The following IMMP2L variants were observed in gnomAD, a reference collection of about 807,000 sequenced individuals.
IMMP2L encodes mitochondrial inner membrane protease subunit 2.
IMMP2L carries 18 observed loss-of-function variants against 19.3 expected under a neutral mutation model. That is an observed-to-expected ratio of 0.93 (90% CI 0.64 to 1.38). The LOEUF is 1.38. Ranked by LOEUF, IMMP2L falls within the 40% of genes most tolerant of loss-of-function variation. IMMP2L has a pLI of 0.00. For synonymous variants in IMMP2L, 76 were observed against 73.0 expected (o/e 1.04, Z -0.21); for missense variants, 233 against 218.2 (o/e 1.07, Z -0.43).
At chr7:111,204,229 T>A (rs147167983) in intron 3 of IMMP2L, among the ~76,000 whole-genome samples, 1 of 152,308 alleles carries the variant, frequency 6.6e-6, no homozygotes, top group Non-Finnish European at 1.5e-5. Context: ...CAAGCCCACA[T>A]CGCTCACTGA....
intron 3 of IMMP2L, among the ~76,000 whole-genome samples, chr7:111,251,462 A>G (rs377080440): frequency 6.6e-6 from 1 of 152,200 alleles, no homozygotes; most frequent in East Asian, 1.9e-4. Flanking sequence ...CATATGTTCC[A>G]TGCAGCACTA....
intron 4 of IMMP2L, among the ~76,000 whole-genome samples, chr7:110,950,654 A>G (rs1817694543): frequency 6.6e-6 from 1 of 151,638 alleles, no homozygotes; most frequent in Non-Finnish European, 1.5e-5. Flanking sequence ...TCTTCACAAT[A>G]GCCAAGATAT....
intron 3 of IMMP2L, among the ~76,000 whole-genome samples, chr7:111,037,826 CTA>C (rs956147284): frequency 1.3e-5 from 2 of 151,978 alleles, no homozygotes; most frequent in African/African-American, 2.4e-5. Context: ...AAGGGAGAAA[CTA>C]TGTGCAGAAA....
At chr7:111,339,209 C>T (rs1826765994) in intron 3 of IMMP2L, among the ~76,000 whole-genome samples, 1 of 151,942 alleles carries the variant, frequency 6.6e-6, no homozygotes, top group African/African-American at 2.4e-5. Flanking sequence ...CCTCTTGAGA[C>T]TATTCATCAG....
At chr7:110,688,373 C>G (rs1370938187) in intron 5 of IMMP2L, among the ~76,000 whole-genome samples, 3 of 152,078 alleles carry the variant, frequency 2.0e-5, no homozygotes, top group Non-Finnish European at 4.4e-5. Context: ...ACAAAACAGA[C>G]AGCTAGGAAC....
intron 5 of IMMP2L, among the ~76,000 whole-genome samples, chr7:110,747,833 C>G (rs1797457358): frequency 1.3e-5 from 2 of 151,454 alleles, no homozygotes; most frequent in Admixed American, 1.3e-4. Context: ...CTTTGAAAAC[C>G]AGCACAAGAC....
chr7:110,734,613 G>A (rs1023128371), intron 5 of IMMP2L, among the ~76,000 whole-genome samples: 3 of 152,154 alleles, frequency 2.0e-5, no homozygotes, highest in Admixed American at 6.5e-5. Flanking sequence ...CAAGAGTGTG[G>A]CCAAATGACC....
chr7:111,187,979 G>A (rs1490182149), intron 3 of IMMP2L, among the ~76,000 whole-genome samples: 1 of 151,848 alleles, frequency 6.6e-6, no homozygotes, highest in African/African-American at 2.4e-5. Flanking sequence ...TTAAAGGAGG[G>A]CATGGGGATA....
intron 3 of IMMP2L, among the ~76,000 whole-genome samples, chr7:111,093,801 C>A (rs1239649712): frequency 1.3e-5 from 2 of 152,094 alleles, no homozygotes; most frequent in Non-Finnish European, 2.9e-5. Flanking sequence ...AAGATTTACC[C>A]ATAGTCTCCC....
intron 5 of IMMP2L, among the ~76,000 whole-genome samples, chr7:110,810,395 C>CTATT (rs1801957503): frequency 6.6e-6 from 1 of 151,986 alleles, no homozygotes; most frequent in Non-Finnish European, 1.5e-5. Flanking sequence ...GCTAAAGGAG[C>CTATT]TATTATGTTA....
chr7:110,671,469 G>C (rs761788644), intron 5 of IMMP2L, among the ~76,000 whole-genome samples: 3 of 152,050 alleles, frequency 2.0e-5, no homozygotes, highest in Non-Finnish European at 2.9e-5. Flanking sequence ...AAAATTACTG[G>C]CTGGAAAGTG....
intron 3 of IMMP2L, among the ~76,000 whole-genome samples, chr7:111,294,188 T>C (rs1821394321): frequency 6.6e-6 from 1 of 151,892 alleles, no homozygotes; most frequent in African/African-American, 2.4e-5. Flanking sequence ...GTCATATGGC[T>C]AGTTGGTGGC....
chr7:110,948,866 G>A (rs1160772293), intron 4 of IMMP2L, among the ~76,000 whole-genome samples: 1 of 152,156 alleles, frequency 6.6e-6, no homozygotes, highest in Non-Finnish European at 1.5e-5. Flanking sequence ...CATCCAATGA[G>A]CTGGGGGCTT....
At chr7:111,047,898 A>C (rs576630135) in intron 3 of IMMP2L, among the ~76,000 whole-genome samples, 1 of 152,216 alleles carries the variant, frequency 6.6e-6, no homozygotes, top group African/African-American at 2.4e-5. Context: ...CCCTTTTTAA[A>C]TGCCTGCCAT....
rs557287524 is a variant in IMMP2L at position 111,441,856 on chromosome 7, AGTC to A, written c.239+45379_239+45381del. Among the ~76,000 whole-genome samples, 285 of 151,932 alleles carry A rather than the reference AGTC, an allele frequency of 1.9e-3. 3 individuals carry two copies. Among genetic ancestry groups the A allele is most frequent in the African/African-American group, 3.1e-3 (127 of 41,258 alleles). ...AACTCACATGAAAAGCTCTGCAAGT[AGTC>A]CGGGCACTGTGGCTCACACCTGTAA... On this transcript the variant is annotated intron_variant, in intron 3 of 5. Transcript: ENST00000405709.
chr7:110,670,714 C>A (rs74882518), intron 5 of IMMP2L, among the ~76,000 whole-genome samples: 36,613 of 144,416 alleles, frequency 0.25, 4,837 homozygotes, highest in Middle Eastern at 0.36. Flanking sequence ...ACAAAAAAAA[C>A]AAAAAAAACC....
chr7:111,399,969 G>C (rs1279741191), intron 3 of IMMP2L, among the ~76,000 whole-genome samples: 1 of 152,036 alleles, frequency 6.6e-6, no homozygotes, highest in Admixed American at 6.6e-5. Context: ...AATTTAAAAA[G>C]TGAACTCAAT....
At position 111,213,489 on chromosome 7, in the gene IMMP2L, G is replaced by A. The variant is rs1039998903; in HGVS notation, c.240-249924C>T. ...AGGCCCCACCTTCAAGCTGGGGAGG[G>A]CCTGAAGCCCTCCAGGGGCCAGGCT... On this transcript the variant is annotated intron_variant, in intron 3 of 5. Transcript: ENST00000405709. The surrounding 1 kb of genome is among the most constrained non-coding windows in gnomAD (Gnocchi z 4.8). Among the ~76,000 whole-genome samples the A allele has an allele frequency of 6.6e-6, 1 of 152,136 alleles. No homozygotes were observed. The highest frequency in any genetic ancestry group is 2.4e-5 in the African/African-American group (1 of 41,424).
Position 111,076,092 on chromosome 7 carries a change from TAG to T in IMMP2L, c.240-112529_240-112528del, listed in dbSNP as rs567427807. 3.9e-4 allele frequency among the ~76,000 whole-genome samples: 59 copies of T among 152,232 alleles called. 2 individuals carry two copies. The South Asian group carries it at 9.8e-3, about 25-fold the overall frequency. ...GGAAAAAAAAGTTTGGTTCTTCAAATAGCCCCCCTCATGATATTGGTGGGGAG... is the reference window on the plus strand; with the variant it reads ...GGAAAAAAAAGTTTGGTTCTTCAAATCCCCCCTCATGATATTGGTGGGGAG... On this transcript the variant is annotated intron_variant, in intron 3 of 5. Coordinates refer to ENST00000405709, the MANE Select transcript of IMMP2L (RefSeq NM_032549.4).
Sources: gnomAD v4.1 joint callset for allele counts (sites outside exome capture counted in the v4.1 genomes callset) on GRCh38, gnomAD v4.1.1 for gene constraint, Gnocchi (gnomAD v3.1) non-coding constraint, MANE v1.5 for transcripts, NCBI Gene and HGNC (gene_info 2026-07-23, HGNC 2026-07-21) for gene names.